Variants in ELL2 observed in about 807,000 individuals in gnomAD.
ELL2 encodes the protein elongation factor for RNA polymerase II 2.
ELL2 carries 21 observed loss-of-function variants against 72.8 expected under a neutral mutation model. The ratio of observed to expected loss-of-function variants is 0.29; its 90% CI spans 0.20 to 0.42. The LOEUF is 0.42. Among genes scored for constraint, ELL2 ranks in the 10% least tolerant of loss-of-function variants. The pLI is 1.00. For synonymous variants in ELL2, 266 were observed against 283.2 expected (o/e 0.94, Z 0.61); for missense variants, 568 against 772.8 (o/e 0.73, Z 3.14).
chr5:95,941,653 G>C (rs1421100908), intron 2 of ELL2, among the ~76,000 whole-genome samples: 1 of 152,182 alleles, frequency 6.6e-6, no homozygotes, highest in African/African-American at 2.4e-5. Context: ...CTCCTAGTAA[G>C]AGAAATGCAG....
At chr5:95,942,928 T>C (rs1751021115) in intron 2 of ELL2, 74 bp downstream of exon 2, 1 of 1,226,772 alleles carries the variant, frequency 8.2e-7, no homozygotes, top group Non-Finnish European at 1.1e-6. Context: ...AAGGGTCAAC[T>C]GAAAACGGAT....
At position 95,895,707 on chromosome 5, in the gene ELL2, A is replaced by G. The variant is rs1748848124; in HGVS notation, c.1526-16T>C. 1.2e-6 allele frequency: 2 copies of G among 1,608,798 alleles called. No individual in the cohort carries two copies. The highest frequency in any genetic ancestry group is 1.7e-6 in the Non-Finnish European group (2 of 1,175,388). Reference sequence around the variant, plus strand: ...TCTTTAACTCCTATGAAGAAAAAAAACAAAATCAGAGCATTCATCAACTAC... The same window carrying G: ...TCTTTAACTCCTATGAAGAAAAAAAGCAAAATCAGAGCATTCATCAACTAC... On this transcript the variant is annotated splice_polypyrimidine_tract_variant and intron_variant, in intron 8 of 11. Coordinates refer to ENST00000237853, the MANE Select transcript of ELL2 (RefSeq NM_012081.6).
intron 2 of ELL2, among the ~76,000 whole-genome samples, chr5:95,927,450 T>TGTGTATATAGAC (rs1750363525): frequency 4.4e-5 from 1 of 22,944 alleles, no homozygotes; most frequent in Non-Finnish European, 7.0e-5. Flanking sequence ...TATATAGACA[T>TGTGTATATAGAC]ACACACACAC....
Position 95,898,378 on chromosome 5 carries a change from T to C in ELL2, c.1387A>G (p.Lys463Glu), listed in dbSNP as rs1748960044. The part of the protein sequence containing the change: ...ENHSMSHKKS[K>E]KKSKKHKEKD... ...TCCTTATGTTTTTTAGACTTCTTTTTGGACTTTTTGTGAGACATTGAATGG... is the reference window on the plus strand; with the variant it reads ...TCCTTATGTTTTTTAGACTTCTTTTCGGACTTTTTGTGAGACATTGAATGG... The change falls in exon 8 of 12, where the codon AAA becomes GAA. Residue 463 changes from lysine (K) to glutamate (E), a missense_variant. Physicochemically the swap from Lys to Glu is moderately conservative, Grantham distance 56. Coordinates refer to ENST00000237853, the MANE Select transcript of ELL2 (RefSeq NM_012081.6). 2.5e-6 allele frequency: 4 copies of C among 1,613,380 alleles called. No individual in the cohort carries two copies. The Admixed American group carries it at 6.7e-5, about 27-fold the overall frequency.
chr5:95,913,581 T>C (rs773800646), intron 4 of ELL2, 190 bp downstream of exon 4: 1 of 528,306 alleles, frequency 1.9e-6, no homozygotes, highest in Non-Finnish European at 3.1e-6. Context: ...CATAGAACTT[T>C]AAAATATGCT....
At chr5:95,914,735 G>C (rs1348866406) in intron 3 of ELL2, among the ~76,000 whole-genome samples, 1 of 152,044 alleles carries the variant, frequency 6.6e-6, no homozygotes, top group African/African-American at 2.4e-5. Flanking sequence ...GTTCCAGCTA[G>C]TCAGGAGACT....
intron 2 of ELL2, chr5:95,942,776 A>T (rs977011546): frequency 6.9e-6 from 2 of 288,226 alleles, no homozygotes; most frequent in South Asian, 8.7e-5. Context: ...TGTTATGGAT[A>T]AAAAAACACT....
At chr5:95,932,339 C>A (rs1561507649) in intron 2 of ELL2, among the ~76,000 whole-genome samples, 1 of 152,010 alleles carries the variant, frequency 6.6e-6, no homozygotes, top group African/African-American at 2.4e-5. Flanking sequence ...TTTATAATTG[C>A]AAGAAATATA....
At chr5:95,928,409 C>A (rs1750473708) in intron 2 of ELL2, among the ~76,000 whole-genome samples, 1 of 152,150 alleles carries the variant, frequency 6.6e-6, no homozygotes, top group African/African-American at 2.4e-5. Flanking sequence ...ATTAACCAGT[C>A]CCTTCCAAAA....
intron 2 of ELL2, among the ~76,000 whole-genome samples, chr5:95,920,289 T>G (rs1047893454): frequency 2.1e-4 from 30 of 141,370 alleles, no homozygotes; most frequent in African/African-American, 7.7e-4. Context: ...ATTTATTTAT[T>G]TATTTATTTA....
Position 95,961,669 on chromosome 5 carries a change from G to A in ELL2, c.53C>T (p.Ser18Leu), listed in dbSNP as rs141299831. 333 of 1,608,398 alleles carry A rather than the reference G, an allele frequency of 2.1e-4. No individual in the cohort carries two copies. The highest frequency in any genetic ancestry group is 2.6e-4 in the Non-Finnish European group (303 of 1,178,124). The change falls in exon 1 of 12, where the codon TCG (serine) becomes TTG (leucine). Residue 18 changes from serine (S) to leucine (L), a missense_variant. Ser to Leu is a moderately radical substitution (Grantham distance 145). Coordinates refer to ENST00000237853, the MANE Select transcript of ELL2 (RefSeq NM_012081.6). The stretch of plus-strand genomic sequence containing the variant: ...GTTGTCCTGCCCCAGCCGTCCGCAC[G>A]ACAGCCCATAGCGCTGCTCCTCCCG... ...GLREEQRYGLSCGRLGQDNIT... is the reference protein window; with the variant it reads ...GLREEQRYGLLCGRLGQDNIT...
chr5:95,924,895 G>A (rs1201984785), intron 2 of ELL2, among the ~76,000 whole-genome samples: 2 of 152,208 alleles, frequency 1.3e-5, no homozygotes, highest in African/African-American at 4.8e-5. Context: ...CTGCCTGAAA[G>A]GTCATTTCAA....
chr5:95,887,485 C>T lies in ELL2; in HGVS notation c.*1386G>A, dbSNP rs1427901118. On this transcript the variant is annotated 3_prime_UTR_variant, in exon 12 of 12. Coordinates refer to ENST00000237853, the MANE Select transcript of ELL2 (RefSeq NM_012081.6). ...ACAGATTTGTAAACATAATGCTTCC[C>T]TTTTCAACTGGCAGCACTTTGAAAA... The T allele has an allele frequency of 1.3e-5, 2 of 152,624 alleles. No individual in the cohort carries two copies. The highest frequency in any genetic ancestry group is 2.9e-5 in the Non-Finnish European group (2 of 68,018). The allele number at this position is 152,624 out of a possible 1,614,324, so 9.5% of individuals were successfully genotyped here. A position where few individuals can be genotyped will look rare whatever the true frequency, so the allele number is the denominator to read the frequency against.
intron 4 of ELL2, among the ~76,000 whole-genome samples, chr5:95,909,569 C>A (rs1200562267): frequency 6.6e-6 from 1 of 152,162 alleles, no homozygotes; most frequent in Non-Finnish European, 1.5e-5. Context: ...ATGTCAGGTT[C>A]AAAGTGGGCA....
intron 1 of ELL2, among the ~76,000 whole-genome samples, chr5:95,943,374 G>C (rs541146844): frequency 6.6e-6 from 1 of 152,110 alleles, no homozygotes; most frequent in South Asian, 2.1e-4. Flanking sequence ...ATATTAAGAT[G>C]CCTTGGATGA....
chr5:95,908,444 C>T (rs980317662), intron 4 of ELL2, among the ~76,000 whole-genome samples: 2 of 152,162 alleles, frequency 1.3e-5, no homozygotes, highest in African/African-American at 4.8e-5. Flanking sequence ...TGAACAAATG[C>T]CTAATGTTTG....
intron 1 of ELL2, among the ~76,000 whole-genome samples, chr5:95,959,561 A>C (rs1222428861): frequency 6.6e-6 from 1 of 151,954 alleles, no homozygotes; most frequent in East Asian, 1.9e-4. Flanking sequence ...CTTCCCCCAT[A>C]TGGGCCTCCC....
chr5:95,892,653 C>T (rs762381535), intron 9 of ELL2, among the ~76,000 whole-genome samples: 2 of 152,124 alleles, frequency 1.3e-5, no homozygotes, highest in African/African-American at 2.4e-5. Context: ...TTCTTCACTG[C>T]CATAAAATCT....
In ELL2 at chr5:95,898,349, C is replaced by G; in HGVS notation, c.1416G>C (p.Lys472Asn). The G allele has an allele frequency of 6.2e-7, 1 of 1,613,606 alleles. No individual in the cohort carries two copies. Among genetic ancestry groups the G allele is most frequent in the Non-Finnish European group, 8.5e-7 (1 of 1,179,830 alleles). The change falls in exon 8 of 12, where the codon AAG (lysine) becomes AAC (asparagine). Residue 472 changes from lysine (K) to asparagine (N), a missense_variant. This residue lies in a region of ELL2 where 511 missense variants were observed against 728.4 expected (regional missense o/e 0.70). Transcript: ENST00000237853. ...CAATGTCGTGCTTTTTTATTTGGTC[C>G]TTTTCCTTATGTTTTTTAGACTTCT... Reference protein sequence around the residue: ...SKKKSKKHKEKDQIKKHDIET... With the variant: ...SKKKSKKHKENDQIKKHDIET...
Sources: gnomAD v4.1 joint callset for allele counts (sites outside exome capture counted in the v4.1 genomes callset) on GRCh38, gnomAD v4.1.1 for gene constraint, gnomAD v4.1.1 regional missense constraint, MANE v1.5 for transcripts, NCBI Gene and HGNC (gene_info 2026-07-23, HGNC 2026-07-21) for gene names.